TRAPPC9: variants seen among roughly 807,000 people sequenced by gnomAD.
The protein encoded by TRAPPC9 is trafficking protein particle complex subunit 9.
Under a neutral mutation model 124.0 loss-of-function variants are expected in TRAPPC9, and 83 were observed. The ratio of observed to expected loss-of-function variants is 0.67; its 90% confidence interval spans 0.56 to 0.80. The LOEUF (loss-of-function observed/expected upper bound fraction) is 0.80. Ranked by LOEUF, TRAPPC9 falls within the 30% of genes least tolerant of loss-of-function variation. TRAPPC9 has a pLI of 0.00. For synonymous variants in TRAPPC9, 638 were observed against 617.5 expected, an observed-to-expected ratio of 1.03 and a Z score of -0.49; for missense variants, 1,302 against 1,508.3, an observed-to-expected ratio of 0.86 and a Z score of 2.27.
At chr8:139,872,297 T>C (rs1828972318) in intron 21 of TRAPPC9, among the ~76,000 whole-genome samples, 1 of 150,566 alleles carries the variant, frequency 6.6e-6, no homozygotes, top group Non-Finnish European at 1.5e-5. Flanking sequence ...GGCGGGCTGG[T>C]AGATGGGTTG....
At chr8:140,079,449 G>A (rs1347721761) in intron 17 of TRAPPC9, among the ~76,000 whole-genome samples, 1 of 152,066 alleles carries the variant, frequency 6.6e-6, no homozygotes, top group Non-Finnish European at 1.5e-5. Context: ...CCCCTGGAAA[G>A]TGCCTCCAGG....
At chr8:139,803,424 C>T (rs958551495) in intron 21 of TRAPPC9, among the ~76,000 whole-genome samples, 1 of 152,364 alleles carries the variant, frequency 6.6e-6, no homozygotes, top group South Asian at 2.1e-4. Flanking sequence ...GAACCACACA[C>T]AGTGCCAGGG....
At chr8:139,818,583 A>C (rs549395456) in intron 21 of TRAPPC9, among the ~76,000 whole-genome samples, 2 of 152,316 alleles carry the variant, frequency 1.3e-5, no homozygotes, top group African/African-American at 4.8e-5. Context: ...CTCAAAAAAA[A>C]AAAGAAAGAA....
At chr8:139,745,370 C>T (rs973986388) in intron 21 of TRAPPC9, among the ~76,000 whole-genome samples, 3 of 152,240 alleles carry the variant, frequency 2.0e-5, no homozygotes, top group Non-Finnish European at 4.4e-5. Flanking sequence ...AGCTCTGATC[C>T]TGGCCAGAGA....
chr8:139,831,812 G>A (rs1826014531), intron 21 of TRAPPC9, among the ~76,000 whole-genome samples: 1 of 152,226 alleles, frequency 6.6e-6, no homozygotes, highest in African/African-American at 2.4e-5. Context: ...GGGGATGGAC[G>A]TGCTCGGAGT....
intron 21 of TRAPPC9, among the ~76,000 whole-genome samples, chr8:139,803,113 C>T (rs1253477177): frequency 7.6e-5 from 11 of 145,210 alleles, no homozygotes; most frequent in South Asian, 4.4e-4. Flanking sequence ...TGCATCCATG[C>T]GTGAATGTGT....
At chr8:140,127,910 G>T (rs954512522) in intron 17 of TRAPPC9, among the ~76,000 whole-genome samples, 1 of 152,200 alleles carries the variant, frequency 6.6e-6, no homozygotes, top group African/African-American at 2.4e-5. Flanking sequence ...TTAACCTGAA[G>T]TCATAAATTC....
Position 140,451,384 on chromosome 8 carries a change from C to T in TRAPPC9, c.-10-1G>A. Reference sequence around the variant, plus strand: ...GTCAGGGACGCTCATTTTGAAGTCCCTGTTCAGAGAGAAGAAATGAGGCTG... The same window carrying T: ...GTCAGGGACGCTCATTTTGAAGTCCTTGTTCAGAGAGAAGAAATGAGGCTG... On this transcript the variant is annotated splice_acceptor_variant, in intron 1 of 22. Coordinates refer to ENST00000438773, the MANE Select transcript of TRAPPC9 (RefSeq NM_001160372.4). LOFTEE classifies it low-confidence loss of function (5UTR_SPLICE). 1 of 1,599,800 alleles carries T rather than the reference C, an allele frequency of 6.3e-7. No individual in the cohort carries two copies. The highest frequency in any genetic ancestry group is 1.1e-5 in the South Asian group (1 of 90,848).
rs1173436324 is a variant in TRAPPC9, at chr8:139,885,985, G to A, written c.2965-16C>T. 1.3e-6 allele frequency: 2 copies of A among 1,557,202 alleles called. No individual in the cohort carries two copies. Among genetic ancestry groups the A allele is most frequent in the Admixed American group, 3.9e-5 (2 of 51,782 alleles). ...TCAGGGAGGGGTGAGCCTTGGTCAAGGAAAACGCAACTCCTGCGGAGCCCA... is the reference window on the plus strand; with the variant it reads ...TCAGGGAGGGGTGAGCCTTGGTCAAAGAAAACGCAACTCCTGCGGAGCCCA... On this transcript the variant is annotated splice_polypyrimidine_tract_variant and intron_variant, in intron 20 of 22. Transcript: ENST00000438773.
chr8:140,321,115 G>A (rs1286928255), intron 9 of TRAPPC9, among the ~76,000 whole-genome samples: 1 of 152,256 alleles, frequency 6.6e-6, no homozygotes, highest in Non-Finnish European at 1.5e-5. Flanking sequence ...ACAGTTGCCT[G>A]TGGCACCACT....
At chr8:139,928,241 C>A (rs1446995507) in intron 19 of TRAPPC9, among the ~76,000 whole-genome samples, 2 of 152,190 alleles carry the variant, frequency 1.3e-5, no homozygotes, top group Admixed American at 6.5e-5. Context: ...CCTATAATCC[C>A]AGCACTTTGG....
intron 7 of TRAPPC9, among the ~76,000 whole-genome samples, chr8:140,378,832 G>A (rs1211044853): frequency 5.9e-5 from 9 of 152,154 alleles, no homozygotes. Context: ...CAGCTAGGCA[G>A]GGCATTCTCT....
chr8:139,739,751 C>G (rs775152224), intron 21 of TRAPPC9, among the ~76,000 whole-genome samples: 15 of 152,342 alleles, frequency 9.8e-5, no homozygotes, highest in Middle Eastern at 3.4e-3. Context: ...CCTTGTTTAT[C>G]GATTTGTTTC....
rs573598986 is a variant in TRAPPC9 at position 139,782,463 on chromosome 8, T to A, written c.3056-50261A>T. 2.7e-3 allele frequency among the ~76,000 whole-genome samples: 404 copies of A among 152,370 alleles called. 1 individual carries two copies. Among genetic ancestry groups the A allele is most frequent in the South Asian group, 9.3e-3 (45 of 4,832 alleles). ...ATTAACATCATAGCAATTGATATTATAAAGTTATAAATGCCATTTCATAAG... is the reference window on the plus strand; with the variant it reads ...ATTAACATCATAGCAATTGATATTAAAAAGTTATAAATGCCATTTCATAAG... On this transcript the variant is annotated intron_variant, in intron 21 of 22. Coordinates refer to ENST00000438773, the MANE Select transcript of TRAPPC9 (RefSeq NM_001160372.4).
chr8:140,211,603 C>T (rs1289679034), intron 17 of TRAPPC9, among the ~76,000 whole-genome samples: 1 of 152,168 alleles, frequency 6.6e-6, no homozygotes, highest in Admixed American at 6.5e-5. Flanking sequence ...ATAAACATCC[C>T]ACAATTCTTT....
chr8:140,140,518 G>A (rs914763262), intron 17 of TRAPPC9, among the ~76,000 whole-genome samples: 2 of 152,200 alleles, frequency 1.3e-5, no homozygotes, highest in African/African-American at 4.8e-5. Context: ...GCATCGAAGT[G>A]TCTCTTCTAT....
chr8:140,006,609 T>C (rs1235360807), intron 18 of TRAPPC9, among the ~76,000 whole-genome samples: 1 of 152,166 alleles, frequency 6.6e-6, no homozygotes, highest in Non-Finnish European at 1.5e-5. Flanking sequence ...CAAATGTCCA[T>C]CAACTAATGA....
At chr8:140,419,203 T>C (rs945675377) in intron 5 of TRAPPC9, among the ~76,000 whole-genome samples, 14 of 148,752 alleles carry the variant, frequency 9.4e-5, no homozygotes, top group Admixed American at 4.7e-4. Flanking sequence ...CCGAGGCGGG[T>C]GGATCAGGAG....
intron 21 of TRAPPC9, among the ~76,000 whole-genome samples, chr8:139,882,705 T>G (rs558515342): frequency 1.4e-3 from 217 of 152,242 alleles, no homozygotes; most frequent in African/African-American, 5.0e-3. Context: ...GAAACAATAG[T>G]GCATGGTAGC....
Sources: allele counts gnomAD v4.1 joint callset (sites outside exome capture counted in the v4.1 genomes callset), GRCh38; gene constraint gnomAD v4.1.1; transcripts MANE v1.5; gene names NCBI Gene and HGNC (gene_info 2026-07-23, HGNC 2026-07-21).